The following CACNB2 variants were observed in gnomAD, a reference collection of about 807,000 sequenced individuals.
The protein encoded by CACNB2 is calcium voltage-gated channel auxiliary subunit beta 2, also known as voltage-dependent L-type calcium channel subunit beta-2.
Under a neutral mutation model 73.3 loss-of-function variants are expected in CACNB2, and 42 were observed. The ratio of observed to expected loss-of-function variants is 0.57; its 90% CI spans 0.45 to 0.74. The LOEUF is 0.74. Ranked by LOEUF, CACNB2 falls within the 30% of genes least tolerant of loss-of-function variation. The pLI is 0.00. For missense variants in CACNB2, 940 were observed against 853.0 expected, an observed-to-expected ratio of 1.10 and a Z score of -1.27; for synonymous variants, 348 against 310.3, an observed-to-expected ratio of 1.12 and a Z score of -1.28.
At chr10:18,162,172 T>C (rs2032516621) in intron 2 of CACNB2, among the ~76,000 whole-genome samples, 1 of 152,232 alleles carries the variant, frequency 6.6e-6, no homozygotes, top group African/African-American at 2.4e-5. Context: ...TTAGAAGTAA[T>C]TTTATACTTC....
chr10:18,400,860 A>G, intron 2 of CACNB2: 1 of 1,500,070 alleles, frequency 6.7e-7, no homozygotes, highest in African/African-American at 1.4e-5. Context: ...ATCTCCCTGG[A>G]TGGGAGTCCT....
intron 2 of CACNB2, among the ~76,000 whole-genome samples, chr10:18,177,683 T>C (rs762916495): frequency 2.6e-5 from 4 of 152,168 alleles, no homozygotes; most frequent in Non-Finnish European, 5.9e-5. Flanking sequence ...TCCATCTTGG[T>C]AGGCTCTGAT....
intron 2 of CACNB2, among the ~76,000 whole-genome samples, chr10:18,349,012 T>C (rs957497624): frequency 1.3e-5 from 2 of 152,206 alleles, no homozygotes; most frequent in Admixed American, 6.5e-5. Flanking sequence ...TCCCAGCTCC[T>C]TGGGAGGCTG....
chr10:18,175,930 A>G (rs142971748), intron 2 of CACNB2, among the ~76,000 whole-genome samples: 2 of 152,276 alleles, frequency 1.3e-5, no homozygotes, highest in Non-Finnish European at 2.9e-5. Flanking sequence ...ATTTTCCCCT[A>G]GAATTACTGT....
chr10:18,466,884 G>T (rs1012257462), intron 3 of CACNB2, among the ~76,000 whole-genome samples: 1 of 152,200 alleles, frequency 6.6e-6, no homozygotes, highest in African/African-American at 2.4e-5. Flanking sequence ...GGCTGGGTGT[G>T]GTTCTCACAC....
Position 18,197,905 on chromosome 10 carries a change from A to G in CACNB2, c.213+46930A>G, listed in dbSNP as rs111381245. 4.7e-3 allele frequency among the ~76,000 whole-genome samples: 692 copies of G among 148,600 alleles called. 3 individuals carry two copies. Among genetic ancestry groups the G allele is most frequent in the African/African-American group, 0.016 (667 of 40,938 alleles). ...AACATGTTATTTATATATTTTATAA[A>G]TTATATATGAATATATATTAATGGT... On this transcript the variant is annotated intron_variant, in intron 2 of 13. Coordinates refer to ENST00000324631, the MANE Select transcript of CACNB2 (RefSeq NM_201596.3).
intron 2 of CACNB2, among the ~76,000 whole-genome samples, chr10:18,204,411 G>A (rs763959760): frequency 1.3e-5 from 2 of 152,232 alleles, no homozygotes; most frequent in South Asian, 2.1e-4. Context: ...TTGTAGATGT[G>A]AATTGTGCCT....
At chr10:18,343,784 A>AC (rs562322088) in intron 2 of CACNB2, among the ~76,000 whole-genome samples, 126 of 152,242 alleles carry the variant, frequency 8.3e-4, no homozygotes, top group Admixed American at 2.6e-3. Context: ...CTAATTGGAG[A>AC]CCTGTGGGTC....
Position 18,483,794 on chromosome 10 carries a change from G to A in CACNB2, c.334-14561G>A, listed in dbSNP as rs1164233423. ...AATGCTGCTTTGGAAATTCTTTGTAGTGTATAATTTTCTAAATAAGTACAG... is the reference window on the plus strand; with the variant it reads ...AATGCTGCTTTGGAAATTCTTTGTAATGTATAATTTTCTAAATAAGTACAG... On this transcript the variant is annotated intron_variant, in intron 3 of 13. Coordinates refer to ENST00000324631, the MANE Select transcript of CACNB2 (RefSeq NM_201596.3). Among the ~76,000 whole-genome samples the A allele has an allele frequency of 3.3e-5, 5 of 152,256 alleles. No homozygotes were observed. The East Asian group carries it at 5.8e-4, about 18-fold the overall frequency.
chr10:18,145,917 C>T (rs1474178204), intron 1 of CACNB2, among the ~76,000 whole-genome samples: 2 of 152,118 alleles, frequency 1.3e-5, no homozygotes, highest in African/African-American at 4.8e-5. Flanking sequence ...TGCCTGTGCT[C>T]CTCCTTACTG....
intron 3 of CACNB2, among the ~76,000 whole-genome samples, chr10:18,490,547 A>T (rs2132934248): frequency 6.6e-6 from 1 of 152,112 alleles, no homozygotes; most frequent in Non-Finnish European, 1.5e-5. Context: ...GCAAAAGCAG[A>T]CTCCAGGTCT....
intron 3 of CACNB2, among the ~76,000 whole-genome samples, chr10:18,493,243 A>G (rs1006280733): frequency 1.4e-4 from 21 of 152,214 alleles, no homozygotes; most frequent in African/African-American, 3.9e-4. Flanking sequence ...ATCTCGGGTC[A>G]CTGCAGCCTC....
At chr10:18,452,853 C>T (rs765111525) in intron 3 of CACNB2, among the ~76,000 whole-genome samples, 3 of 152,226 alleles carry the variant, frequency 2.0e-5, no homozygotes, top group African/African-American at 4.8e-5. Context: ...CTGGTAGATT[C>T]TTACTGGACT....
rs11288271 is a variant in CACNB2 at position 18,274,227 on chromosome 10, GAA to G, written c.213+123260_213+123261del. 2.0e-5 allele frequency among the ~76,000 whole-genome samples: 3 copies of G among 151,080 alleles called. No individual in the cohort carries two copies. The East Asian group carries it at 5.8e-4, about 29-fold the overall frequency. On this transcript the variant is annotated intron_variant, in intron 2 of 13. Coordinates refer to ENST00000324631, the MANE Select transcript of CACNB2 (RefSeq NM_201596.3). The stretch of plus-strand genomic sequence containing the variant: ...TTTGATGAAAATAAATGTCAGTCCA[GAA>G]AAAAAAAGAGGAGAGAGAAGGCACC...
chr10:18,203,135 G>A (rs1313103861), intron 2 of CACNB2, among the ~76,000 whole-genome samples: 1 of 152,196 alleles, frequency 6.6e-6, no homozygotes, highest in Non-Finnish European at 1.5e-5. Flanking sequence ...ATATGCCACA[G>A]CATCTAGATC....
At chr10:18,178,176 G>C (rs1171206184) in intron 2 of CACNB2, among the ~76,000 whole-genome samples, 2 of 152,118 alleles carry the variant, frequency 1.3e-5, no homozygotes, top group Admixed American at 1.3e-4. Context: ...AGTATGATGC[G>C]ACTTTATCAT....
At chr10:18,290,173 G>A (rs576935435) in intron 2 of CACNB2, among the ~76,000 whole-genome samples, 3 of 117,278 alleles carry the variant, frequency 2.6e-5, no homozygotes, top group South Asian at 5.9e-4. Flanking sequence ...GACTATAAGC[G>A]CGCGCCACCA....
intron 3 of CACNB2, among the ~76,000 whole-genome samples, chr10:18,470,617 C>T (rs550567112): frequency 4.6e-5 from 7 of 151,886 alleles, no homozygotes; most frequent in Non-Finnish European, 1.0e-4. Context: ...TTGCATGGAG[C>T]CTTTGCATAC....
intron 3 of CACNB2, among the ~76,000 whole-genome samples, chr10:18,480,349 C>A (rs990443616): frequency 1.3e-5 from 2 of 151,834 alleles, no homozygotes; most frequent in Admixed American, 6.6e-5. Flanking sequence ...CAGACTGATT[C>A]TCCTTGAGCA....
Sources: gnomAD v4.1 joint callset for allele counts (sites outside exome capture counted in the v4.1 genomes callset) on GRCh38, gnomAD v4.1.1 for gene constraint, MANE v1.5 for transcripts, NCBI Gene and HGNC (gene_info 2026-07-23, HGNC 2026-07-21) for gene names.